The following EPHB1 variants were observed in gnomAD, a reference collection of about 807,000 sequenced individuals.
EPHB1 encodes the protein EPH receptor B1, also known as ephrin type-B receptor 1.
EPHB1 carries 30 observed loss-of-function variants against 94.4 expected under a neutral mutation model. The observed-to-expected ratio is 0.32, with a 90% CI of 0.24 to 0.43. The LOEUF is 0.43. Among genes scored for constraint, EPHB1 ranks in the 20% least tolerant of loss-of-function variants. The probability of loss-of-function intolerance (pLI) is 1.00; values close to 1 mark genes in which losing one functional copy is unlikely to be tolerated. For missense variants in EPHB1, 1,055 were observed against 1,308.3 expected (o/e 0.81, Z 2.99); for synonymous variants, 522 against 489.1 (o/e 1.07, Z -0.89).
intron 3 of EPHB1, chr3:134,978,047 T>C (rs768246043): frequency 2.7e-5 from 12 of 451,376 alleles, no homozygotes; most frequent in East Asian, 7.0e-5. Context: ...TCACACAGCC[T>C]CCTCTGCATC....
At chr3:134,883,605 G>A (rs1229932317) in intron 1 of EPHB1, among the ~76,000 whole-genome samples, 1 of 152,250 alleles carries the variant, frequency 6.6e-6, no homozygotes, top group African/African-American at 2.4e-5. Context: ...TGAAGGAAGA[G>A]AGGGTTCCTG....
At chr3:135,093,307 G>A (rs560315412) in intron 3 of EPHB1, among the ~76,000 whole-genome samples, 48 of 152,188 alleles carry the variant, frequency 3.2e-4, no homozygotes, top group South Asian at 6.2e-4. Context: ...GCCACTCCCC[G>A]CACTCCACTG....
intron 12 of EPHB1, among the ~76,000 whole-genome samples, chr3:135,236,026 T>C (rs1943643702): frequency 2.0e-5 from 3 of 152,230 alleles, no homozygotes; most frequent in African/African-American, 7.2e-5. Context: ...TAGTATCTGA[T>C]AAAATTGTAT....
intron 9 of EPHB1, among the ~76,000 whole-genome samples, chr3:135,175,729 T>C (rs1197714454): frequency 1.3e-5 from 2 of 152,188 alleles, no homozygotes; most frequent in Non-Finnish European, 2.9e-5. Context: ...CGGATTACTA[T>C]AAAATGCTTT....
chr3:135,106,624 C>T (rs1939230146), intron 4 of EPHB1, 21 bp downstream of exon 4: 2 of 1,612,964 alleles, frequency 1.2e-6, no homozygotes, highest in East Asian at 2.2e-5. Flanking sequence ...AGTAATGGCT[C>T]TGGGCTGGGG....
At chr3:134,807,576 A>G (rs927172553) in intron 1 of EPHB1, among the ~76,000 whole-genome samples, 1 of 150,818 alleles carries the variant, frequency 6.6e-6, no homozygotes, top group Non-Finnish European at 1.5e-5. Flanking sequence ...GAAAAAAAAA[A>G]GTTTGGGACT....
intron 12 of EPHB1, among the ~76,000 whole-genome samples, chr3:135,208,290 CGTGTGTGTGTGTGTGTGT>C (rs55947191): frequency 1.1e-4 from 16 of 142,684 alleles, no homozygotes; most frequent in African/African-American, 3.1e-4. Context: ...CCTTTCATGA[CGTGTGTGTGTGTGTGTGT>C]GTGTGTGTGT....
intron 5 of EPHB1, among the ~76,000 whole-genome samples, chr3:135,135,420 A>G (rs1007455321): frequency 6.6e-6 from 1 of 152,228 alleles, no homozygotes; most frequent in South Asian, 2.1e-4. Flanking sequence ...TAAACATTCA[A>G]ACCTGAACTT....
chr3:135,083,394 C>T (rs894115649), intron 3 of EPHB1, among the ~76,000 whole-genome samples: 5 of 151,628 alleles, frequency 3.3e-5, no homozygotes, highest in South Asian at 4.2e-4. Flanking sequence ...TAGCTCAGAA[C>T]GTAGAGATGA....
intron 3 of EPHB1, among the ~76,000 whole-genome samples, chr3:134,967,941 C>T (rs1364214563): frequency 6.6e-6 from 1 of 152,218 alleles, no homozygotes; most frequent in East Asian, 1.9e-4. Context: ...CTCTAACACA[C>T]AGGTGTGTTT....
chr3:134,908,210 G>A lies in EPHB1; in HGVS notation c.59-17606G>A, dbSNP rs72986038. 7.7e-3 allele frequency among the ~76,000 whole-genome samples: 1,175 copies of A among 152,322 alleles called. 18 individuals are homozygous for A. The highest frequency in any genetic ancestry group is 0.025 in the African/African-American group (1,059 of 41,582). On this transcript the variant is annotated intron_variant, in intron 1 of 15. Transcript: ENST00000398015. ...TCTCAGACCCCAAACACATGGTGTG[G>A]GGCCTTCTGCGTATGCATCTAGAGG...
chr3:135,014,004 C>T lies in EPHB1; in HGVS notation c.805+61952C>T, dbSNP rs573109913. 5.5e-4 allele frequency among the ~76,000 whole-genome samples: 83 copies of T among 152,160 alleles called. 1 individual carries two copies. The highest frequency in any genetic ancestry group is 1.7e-3 in the African/African-American group (70 of 41,514). On this transcript the variant is annotated intron_variant, in intron 3 of 15. Coordinates refer to ENST00000398015, the MANE Select transcript of EPHB1 (RefSeq NM_004441.5). ...GTTCATTCCTGCTTGAGTCGGGAGC[C>T]ATGGGGATGGGATTCTTGGGGTGGG...
intron 1 of EPHB1, among the ~76,000 whole-genome samples, chr3:134,846,246 C>T (rs2036869369): frequency 6.6e-6 from 1 of 152,188 alleles, no homozygotes; most frequent in African/African-American, 2.4e-5. Context: ...CAAATACAGA[C>T]CCATTTTAGA....
chr3:134,985,147 C>T (rs1197460394), intron 3 of EPHB1, among the ~76,000 whole-genome samples: 1 of 151,994 alleles, frequency 6.6e-6, no homozygotes, highest in Non-Finnish European at 1.5e-5. Flanking sequence ...TCCCTGGGAC[C>T]TCTGGTGTGT....
At chr3:135,243,297 A>T (rs1457023233) in intron 13 of EPHB1, among the ~76,000 whole-genome samples, 2 of 152,164 alleles carry the variant, frequency 1.3e-5, no homozygotes, top group Non-Finnish European at 2.9e-5. Flanking sequence ...TTTAACACAC[A>T]ATCAGTGTAT....
chr3:135,258,902 A>G (rs942863051), intron 15 of EPHB1, 110 bp from the exon 16 acceptor site: 5 of 982,702 alleles, frequency 5.1e-6, no homozygotes, highest in Non-Finnish European at 7.6e-6. Context: ...AGCTAGTTGG[A>G]TTTTTGTAGC....
chr3:135,077,547 G>T (rs754670479), intron 3 of EPHB1, among the ~76,000 whole-genome samples: 7 of 152,210 alleles, frequency 4.6e-5, no homozygotes, highest in Non-Finnish European at 8.8e-5. Context: ...GCTTAGAGTT[G>T]TTGGGAGATG....
chr3:134,842,189 G>A (rs1027085084), intron 1 of EPHB1, among the ~76,000 whole-genome samples: 1 of 152,208 alleles, frequency 6.6e-6, no homozygotes, highest in African/African-American at 2.4e-5. Context: ...ACATGGAGAA[G>A]TTGCTGTCTA....
At chr3:134,850,180 C>T (rs2036951941) in intron 1 of EPHB1, among the ~76,000 whole-genome samples, 1 of 152,202 alleles carries the variant, frequency 6.6e-6, no homozygotes, top group Admixed American at 6.5e-5. Flanking sequence ...CTTAAATGTG[C>T]TACATTCCTT....
Sources: gnomAD v4.1 joint callset for allele counts (sites outside exome capture counted in the v4.1 genomes callset) on GRCh38, gnomAD v4.1.1 for gene constraint, MANE v1.5 for transcripts, NCBI Gene and HGNC (gene_info 2026-07-23, HGNC 2026-07-21) for gene names.